The following MTUS2 variants were observed in gnomAD, a reference collection of about 807,000 sequenced individuals.
MTUS2 encodes the protein microtubule-associated tumor suppressor candidate 2.
In MTUS2, 40 loss-of-function variants were observed where a neutral mutation model predicts 114.1. The observed-to-expected ratio is 0.35, with a 90% CI of 0.27 to 0.46. The LOEUF (loss-of-function observed/expected upper bound fraction) is 0.46, where lower values mean the gene tolerates loss of function less well. MTUS2 is among the 20% of genes least tolerant of loss of function. The pLI is 1.00. For missense variants in MTUS2, 1,679 were observed against 1,705.4 expected, an observed-to-expected ratio of 0.98 and a Z score of 0.27; for synonymous variants, 688 against 672.0, an observed-to-expected ratio of 1.02 and a Z score of -0.37.
At chr13:29,268,312 G>A (rs1027503751) in intron 5 of MTUS2, among the ~76,000 whole-genome samples, 9 of 152,192 alleles carry the variant, frequency 5.9e-5, no homozygotes, top group Non-Finnish European at 1.3e-4. Flanking sequence ...GAGGCCTTTT[G>A]AGAAAATAGA....
In MTUS2 at chr13:29,375,632, TATATATAC is replaced by T. The variant is rs1455067519; in HGVS notation, c.3117+16161_3117+16168del. Among the ~76,000 whole-genome samples, 7 of 7,586 alleles carry T rather than the reference TATATATAC, an allele frequency of 9.2e-4. 1 individual carries two copies. Among genetic ancestry groups the T allele is most frequent in the African/African-American group, 1.3e-3 (7 of 5,230 alleles). 5.0% of individuals were successfully genotyped at this position (7,586 alleles called of 152,430 possible). A position where few individuals can be genotyped will look rare whatever the true frequency, so the allele number is the denominator to read the frequency against. On this transcript the variant is annotated intron_variant, in intron 8 of 15. Transcript: ENST00000612955. ...ACGTATATATATATATATATATATATATATATACACACACCATGAAATACCACTCAGCT... is the reference window on the plus strand; with the variant it reads ...ACGTATATATATATATATATATATATACACACCATGAAATACCACTCAGCT...
At chr13:28,869,928 ATTTC>A (rs905607559) in intron 2 of MTUS2, among the ~76,000 whole-genome samples, 1 of 152,048 alleles carries the variant, frequency 6.6e-6, no homozygotes, top group African/African-American at 2.4e-5. Flanking sequence ...CAGACTCTTA[ATTTC>A]TTTCTTTTTT....
At chr13:28,895,484 C>G (rs531390840) in intron 2 of MTUS2, among the ~76,000 whole-genome samples, 4 of 152,220 alleles carry the variant, frequency 2.6e-5, no homozygotes, top group South Asian at 2.1e-4. Flanking sequence ...TTAATTCAGA[C>G]AATTAGAGAG....
At chr13:29,270,853 AG>A (rs1897857486) in intron 5 of MTUS2, among the ~76,000 whole-genome samples, 1 of 152,150 alleles carries the variant, frequency 6.6e-6, no homozygotes, top group African/African-American at 2.4e-5. Flanking sequence ...CGGGCACATG[AG>A]CCGCATCAGG....
At chr13:29,046,870 C>T (rs757591210) in intron 4 of MTUS2, among the ~76,000 whole-genome samples, 1 of 152,168 alleles carries the variant, frequency 6.6e-6, no homozygotes, top group Non-Finnish European at 1.5e-5. Context: ...CCCCTTTCCT[C>T]TCCACTTTCT....
intron 2 of MTUS2, among the ~76,000 whole-genome samples, chr13:28,909,750 C>T (rs1375448963): frequency 6.6e-6 from 1 of 152,138 alleles, no homozygotes; most frequent in East Asian, 1.9e-4. Flanking sequence ...TCCCTGTTTG[C>T]AGATGTCATG....
intron 7 of MTUS2, among the ~76,000 whole-genome samples, chr13:29,349,676 A>C (rs1227819968): frequency 6.6e-6 from 1 of 152,130 alleles, no homozygotes. Context: ...TTAAGTACTT[A>C]AAGATGCTGT....
intron 5 of MTUS2, among the ~76,000 whole-genome samples, chr13:29,162,923 G>T (rs1893159999): frequency 6.6e-6 from 1 of 152,146 alleles, no homozygotes; most frequent in Non-Finnish European, 1.5e-5. Flanking sequence ...AATGGGCAGT[G>T]GCCCCAAATG....
rs574476051 is a variant in MTUS2 at position 28,827,751 on chromosome 13, C to T, written c.-316+7140C>T. Among the ~76,000 whole-genome samples the T allele has an allele frequency of 2.6e-3, 397 of 152,234 alleles. 4 individuals are homozygous for T. The highest frequency in any genetic ancestry group is 4.8e-3 in the Non-Finnish European group (325 of 68,020). ...TGTTGGCAGGTTCCGTGATGCCCCT[C>T]AAGCCGCAAAACCAGCAAGTTTTTA... On this transcript the variant is annotated intron_variant, in intron 1 of 15. Transcript: ENST00000612955.
chr13:29,072,974 G>C (rs941911176), intron 4 of MTUS2, among the ~76,000 whole-genome samples: 8 of 152,030 alleles, frequency 5.3e-5, no homozygotes, highest in Admixed American at 2.0e-4. Flanking sequence ...ATTTCCTTCT[G>C]TTGGTAGCAC....
chr13:29,230,863 A>G (rs1896296113), intron 5 of MTUS2, among the ~76,000 whole-genome samples: 1 of 152,200 alleles, frequency 6.6e-6, no homozygotes, highest in Non-Finnish European at 1.5e-5. Context: ...TATGCAGAAG[A>G]GTATTTAGGT....
At chr13:29,291,418 A>G (rs1243147706) in intron 6 of MTUS2, among the ~76,000 whole-genome samples, 4 of 152,218 alleles carry the variant, frequency 2.6e-5, no homozygotes, top group South Asian at 2.1e-4. Flanking sequence ...AAAACGTTGT[A>G]TACATTTTTG....
intron 2 of MTUS2, among the ~76,000 whole-genome samples, chr13:28,921,856 C>T (rs1881059618): frequency 6.6e-6 from 1 of 152,176 alleles, no homozygotes; most frequent in Non-Finnish European, 1.5e-5. Flanking sequence ...GGTGCTTTCC[C>T]TCTCCCAAGT....
intron 8 of MTUS2, among the ~76,000 whole-genome samples, chr13:29,404,970 GT>G (rs1566182788): frequency 1.3e-5 from 2 of 152,194 alleles, no homozygotes; most frequent in Non-Finnish European, 2.9e-5. Flanking sequence ...GCGATGACAA[GT>G]TCTTTTTATT....
At chr13:29,141,769 T>TA (rs1163807907) in intron 5 of MTUS2, among the ~76,000 whole-genome samples, 1 of 152,250 alleles carries the variant, frequency 6.6e-6, no homozygotes, top group Admixed American at 6.5e-5. Flanking sequence ...AACACTGTTC[T>TA]ATGTGCTAAG....
At chr13:29,491,599 G>T (rs1882093152) in intron 11 of MTUS2, among the ~76,000 whole-genome samples, 1 of 150,240 alleles carries the variant, frequency 6.7e-6, no homozygotes, top group South Asian at 2.1e-4. Flanking sequence ...TGACAGGTGT[G>T]TGTGTGTGGC....
intron 4 of MTUS2, among the ~76,000 whole-genome samples, chr13:29,072,934 T>C (rs967003642): frequency 6.6e-6 from 1 of 152,232 alleles, no homozygotes; most frequent in Non-Finnish European, 1.5e-5. Flanking sequence ...TTGCAGCATT[T>C]ATATATGACT....
chr13:29,115,547 C>G (rs1327858275), intron 5 of MTUS2, among the ~76,000 whole-genome samples: 1 of 152,128 alleles, frequency 6.6e-6, no homozygotes, highest in Non-Finnish European at 1.5e-5. Context: ...AGACTTAGTT[C>G]ATCTTGTCAA....
At chr13:29,176,489 C>A (rs1893778236) in intron 5 of MTUS2, among the ~76,000 whole-genome samples, 1 of 152,152 alleles carries the variant, frequency 6.6e-6, no homozygotes, top group Non-Finnish European at 1.5e-5. Context: ...TCCACTTGGG[C>A]TGCTCAAACC....
Sources: allele counts gnomAD v4.1 joint callset (sites outside exome capture counted in the v4.1 genomes callset), GRCh38; gene constraint gnomAD v4.1.1; transcripts MANE v1.5; gene names NCBI Gene and HGNC (gene_info 2026-07-23, HGNC 2026-07-21).